Variants in TIMD4 observed in about 807,000 individuals in gnomAD.
TIMD4 encodes the protein T cell immunoglobulin and mucin domain containing 4, also known as T-cell immunoglobulin and mucin domain-containing protein 4.
In TIMD4, 31 loss-of-function variants were observed where a neutral mutation model predicts 41.2. The observed-to-expected ratio is 0.75, with a 90% CI of 0.57 to 1.01. The LOEUF (loss-of-function observed/expected upper bound fraction) is 1.01. Among genes scored for constraint, TIMD4 ranks in the 50% least tolerant of loss-of-function variants. The pLI is 0.00. For missense variants in TIMD4, 479 were observed against 472.5 expected, an observed-to-expected ratio of 1.01 and a Z score of -0.13; for synonymous variants, 204 against 177.1, an observed-to-expected ratio of 1.15 and a Z score of -1.21.
At chr5:156,927,864 T>A (rs1759376351) in intron 5 of TIMD4, among the ~76,000 whole-genome samples, 1 of 151,990 alleles carries the variant, frequency 6.6e-6, no homozygotes, top group Non-Finnish European at 1.5e-5. Context: ...AGTCACTGAG[T>A]GACCGTGGGG....
chr5:156,948,041 A>G (rs1167853553), intron 5 of TIMD4, among the ~76,000 whole-genome samples: 1 of 152,252 alleles, frequency 6.6e-6, no homozygotes, highest in Non-Finnish European at 1.5e-5. Context: ...AGAGATGAGC[A>G]GAGGAGAGGA....
chr5:156,953,570 G>A (rs562615943), intron 2 of TIMD4, among the ~76,000 whole-genome samples: 4 of 140,364 alleles, frequency 2.8e-5, no homozygotes, highest in South Asian at 2.3e-4. Flanking sequence ...CAGGAGAATC[G>A]CTTGAACCGG....
chr5:156,958,731 C>T (rs1368001974), intron 1 of TIMD4, among the ~76,000 whole-genome samples: 2 of 152,150 alleles, frequency 1.3e-5, no homozygotes, highest in Non-Finnish European at 2.9e-5. Context: ...CACAAGTTGA[C>T]AAAGATGCCT....
At position 156,951,686 on chromosome 5, in the gene TIMD4, T is replaced by C; in HGVS notation, c.505A>G (p.Thr169Ala). Residue 169 changes from threonine (T) to alanine (A), a missense_variant, in exon 3 of 9, where the codon ACA becomes GCA. Physicochemically the swap from Thr to Ala is moderately conservative, Grantham distance 58. Coordinates refer to ENST00000274532, the MANE Select transcript of TIMD4 (RefSeq NM_138379.3). ...QMTTTPAALP[T>A]TVVTTPDLTT... The stretch of plus-strand genomic sequence containing the variant: ...AGATCGGGTGTGGTCACGACTGTTG[T>C]TGGAAGTGCAGCTGGGGTTGTTGTC... The C allele has an allele frequency of 6.2e-7, 1 of 1,614,054 alleles. No homozygotes were observed. Among genetic ancestry groups the C allele is most frequent in the Middle Eastern group, 1.6e-4 (1 of 6,062 alleles).
chr5:156,942,750 G>A (rs1759671054), intron 5 of TIMD4, among the ~76,000 whole-genome samples: 1 of 152,206 alleles, frequency 6.6e-6, no homozygotes, highest in Admixed American at 6.5e-5. Context: ...GGAAGCATTA[G>A]AATGGCAAAC....
At chr5:156,933,172 G>C (rs11134462) in intron 5 of TIMD4, among the ~76,000 whole-genome samples, 53,437 of 152,026 alleles carry the variant, frequency 0.35, 10,250 homozygotes, top group East Asian at 0.69. Flanking sequence ...ATTTTGAAAA[G>C]AAAAAATTGA....
At chr5:156,949,528 G>A in intron 4 of TIMD4, 123 bp downstream of exon 4, 1 of 792,802 alleles carries the variant, frequency 1.3e-6, no homozygotes, top group Non-Finnish European at 2.1e-6. Flanking sequence ...TGCCACAGGG[G>A]GATTTTATGG....
intron 5 of TIMD4, among the ~76,000 whole-genome samples, chr5:156,928,691 G>T (rs1199288951): frequency 2.0e-5 from 3 of 152,192 alleles, no homozygotes; most frequent in Non-Finnish European, 1.5e-5. Flanking sequence ...TCAGAGAGCT[G>T]ATTTGTTCAT....
intron 5 of TIMD4, among the ~76,000 whole-genome samples, chr5:156,947,746 T>A (rs571630146): frequency 6.6e-5 from 10 of 152,332 alleles, no homozygotes; most frequent in Non-Finnish European, 1.3e-4. Context: ...TCTATAGCTA[T>A]GTAGACACAT....
intron 5 of TIMD4, among the ~76,000 whole-genome samples, chr5:156,930,524 G>T (rs1759427741): frequency 6.6e-6 from 1 of 152,232 alleles, no homozygotes; most frequent in Admixed American, 6.5e-5. Context: ...ACAGTGATTT[G>T]CACTGAATGT....
At chr5:156,953,601 A>G (rs1272190210) in intron 2 of TIMD4, among the ~76,000 whole-genome samples, 1 of 141,814 alleles carries the variant, frequency 7.1e-6, no homozygotes, top group Non-Finnish European at 1.5e-5. Flanking sequence ...TTGCAGTGAG[A>G]TGAAATTGTG....
chr5:156,932,754 C>A lies in TIMD4; in HGVS notation c.845-6442G>T, dbSNP rs57933358. Among the ~76,000 whole-genome samples the A allele has an allele frequency of 3.9e-3, 591 of 152,320 alleles. 16 individuals are homozygous for A. The East Asian group carries it at 0.065, about 17-fold the overall frequency. On this transcript the variant is annotated intron_variant, in intron 5 of 8. Coordinates refer to ENST00000274532, the MANE Select transcript of TIMD4 (RefSeq NM_138379.3). ...GAATGCAGTGACTCACGCCTGTAAT[C>A]CCAGCACTTTGGGAGGCCGAGGCGG...
At chr5:156,954,941 A>G (rs1213311636) in intron 1 of TIMD4, among the ~76,000 whole-genome samples, 185 bp from the exon 2 acceptor site, 1 of 151,732 alleles carries the variant, frequency 6.6e-6, no homozygotes, top group African/African-American at 2.4e-5. Context: ...GCAGTGGTAC[A>G]ATCATGGCTC....
rs550101676 is a variant in TIMD4, at chr5:156,963,205, G to A, written c.-7C>T. 41 of 1,614,038 alleles carry A rather than the reference G, an allele frequency of 2.5e-5. No homozygotes were observed. The highest frequency in any genetic ancestry group is 3.4e-5 in the Non-Finnish European group (40 of 1,179,932). ...TGAGAGGTTCTTTGGACATTTTGAC[G>A]GTTGACCGGACCCAGGAGTCTGTCT... On this transcript the variant is annotated 5_prime_UTR_variant, in exon 1 of 9. Coordinates refer to ENST00000274532, the MANE Select transcript of TIMD4 (RefSeq NM_138379.3).
At chr5:156,938,581 CTT>C (rs1173892112) in intron 5 of TIMD4, among the ~76,000 whole-genome samples, 3 of 152,192 alleles carry the variant, frequency 2.0e-5, no homozygotes, top group Non-Finnish European at 4.4e-5. Flanking sequence ...TCCTCACCCT[CTT>C]CTCTCTTATC....
At chr5:156,955,604 C>T (rs929342405) in intron 1 of TIMD4, among the ~76,000 whole-genome samples, 6 of 151,400 alleles carry the variant, frequency 4.0e-5, no homozygotes, top group Middle Eastern at 3.4e-3. Context: ...TGCAGTGAGC[C>T]GAGATCATGC....
chr5:156,961,948 A>G (rs1561557488), intron 1 of TIMD4, among the ~76,000 whole-genome samples: 1 of 151,956 alleles, frequency 6.6e-6, no homozygotes, highest in South Asian at 2.1e-4. Flanking sequence ...AGAGTTTATT[A>G]ATATTGTGTT....
At position 156,962,571 on chromosome 5, in the gene TIMD4, C is replaced by T. The variant is rs191283819; in HGVS notation, c.58+570G>A. Among the ~76,000 whole-genome samples, 164 of 152,210 alleles carry T rather than the reference C, an allele frequency of 1.1e-3. 1 individual carries two copies. The Middle Eastern group carries it at 0.037, about 35-fold the overall frequency. On this transcript the variant is annotated intron_variant, in intron 1 of 8. Transcript: ENST00000274532. Reference sequence around the variant, plus strand: ...ATATTCCCAGTGTCAACAGTTAGTGCCCGAGACGCAGCTGCAGCTCAGGCC... The same window carrying T: ...ATATTCCCAGTGTCAACAGTTAGTGTCCGAGACGCAGCTGCAGCTCAGGCC...
At chr5:156,947,145 C>A (rs960718826) in intron 5 of TIMD4, among the ~76,000 whole-genome samples, 1 of 151,736 alleles carries the variant, frequency 6.6e-6, no homozygotes, top group Admixed American at 6.6e-5. Context: ...TTGCAGTGAG[C>A]GGAGATCGCA....
Sources: gnomAD v4.1 joint callset for allele counts (sites outside exome capture counted in the v4.1 genomes callset) on GRCh38, gnomAD v4.1.1 for gene constraint, MANE v1.5 for transcripts, NCBI Gene and HGNC (gene_info 2026-07-23, HGNC 2026-07-21) for gene names.